The following DBH variants were observed in gnomAD, a reference collection of about 807,000 sequenced individuals.
DBH encodes dopamine beta-hydroxylase.
Under a neutral mutation model 64.0 loss-of-function variants are expected in DBH, and 49 were observed. That is an observed-to-expected ratio of 0.77 (90% CI 0.61 to 0.97). The LOEUF (loss-of-function observed/expected upper bound fraction) is 0.97, where lower values mean the gene tolerates loss of function less well. Ranked by LOEUF, DBH falls within the 50% of genes least tolerant of loss-of-function variation. The pLI is 0.00. For synonymous variants in DBH, 343 were observed against 347.1 expected (o/e 0.99, Z 0.13); for missense variants, 828 against 826.6 (o/e 1.00, Z -0.02).
At chr9:133,656,776 A>G in intron 10 of DBH, 126 bp downstream of exon 10, 1 of 1,233,934 alleles carries the variant, frequency 8.1e-7, no homozygotes, top group Admixed American at 1.9e-5. Flanking sequence ...CTGTGGCGGC[A>G]TCACTCACCC....
intron 9 of DBH, among the ~76,000 whole-genome samples, chr9:133,654,116 A>ATTTTATTTTATTTTATTT (rs10634261): frequency 3.6e-4 from 54 of 151,312 alleles, no homozygotes; most frequent in African/African-American, 1.3e-3. Flanking sequence ...ATTTTATTTT[A>ATTTTATTTTATTTTATTT]TATTTTATTT....
chr9:133,645,360 C>T (rs1832170772), intron 5 of DBH, among the ~76,000 whole-genome samples: 1 of 151,978 alleles, frequency 6.6e-6, no homozygotes, highest in African/African-American at 2.4e-5. Flanking sequence ...GGATTTATTG[C>T]TCATTTAAAC....
At chr9:133,652,859 C>T (rs936979201) in intron 8 of DBH, 81 bp from the exon 9 acceptor site, 34 of 936,282 alleles carry the variant, frequency 3.6e-5, no homozygotes, top group South Asian at 7.8e-5. Context: ...TGCACAGTGG[C>T]GTGGTCCTAT....
intron 9 of DBH, among the ~76,000 whole-genome samples, chr9:133,653,909 G>C (rs1269543510): frequency 6.6e-6 from 1 of 152,200 alleles, no homozygotes; most frequent in Non-Finnish European, 1.5e-5. Context: ...CGTGCCAGCT[G>C]CTTCGGTAAC....
chr9:133,655,638 T>G (rs761027544), intron 9 of DBH: 1 of 152,286 alleles, frequency 6.6e-6, no homozygotes, highest in Non-Finnish European at 1.5e-5. Context: ...AGAGTAAAGA[T>G]TGCCTTTCTT....
At chr9:133,656,445 G>A (rs1256804063) in intron 9 of DBH, 78 bp from the exon 10 acceptor site, 11 of 1,600,340 alleles carry the variant, frequency 6.9e-6, no homozygotes, top group East Asian at 4.5e-5. Context: ...CAGTGTACAC[G>A]TGGGTGCGGC....
At position 133,658,236 on chromosome 9, in the gene DBH, G is replaced by T. The variant is rs557511415; in HGVS notation, c.1723-80G>T. The stretch of plus-strand genomic sequence containing the variant: ...GAGTTTGAGGGCAAGAATCCAAGAG[G>T]TGGCTGGGAAGTGGCTGGGGAAGCA... On this transcript the variant is annotated intron_variant, in intron 11 of 11. Coordinates refer to ENST00000393056, the MANE Select transcript of DBH (RefSeq NM_000787.4). The T allele has an allele frequency of 7.5e-5, 118 of 1,573,516 alleles. 1 individual carries two copies. In the East Asian group the frequency reaches 9.3e-4, roughly 12 times the overall value.
At chr9:133,648,427 T>C (rs566302296) in intron 6 of DBH, among the ~76,000 whole-genome samples, 3 of 152,402 alleles carry the variant, frequency 2.0e-5, no homozygotes, top group East Asian at 3.9e-4. Context: ...TCCAGACCTT[T>C]TTCCTGTATA....
intron 2 of DBH, among the ~76,000 whole-genome samples, chr9:133,640,498 G>A (rs1832105660): frequency 6.6e-6 from 1 of 152,210 alleles, no homozygotes. Flanking sequence ...AACTCTGGGA[G>A]TTCATGGGAG....
intron 9 of DBH, among the ~76,000 whole-genome samples, chr9:133,654,185 C>A (rs1832285979): frequency 6.6e-6 from 1 of 152,034 alleles, no homozygotes; most frequent in South Asian, 2.1e-4. Flanking sequence ...CTTGCTGCAA[C>A]CTCCACCTCC....
intron 5 of DBH, 32 bp downstream of exon 5, chr9:133,644,352 G>A (rs974902790): frequency 7.7e-6 from 12 of 1,553,850 alleles, no homozygotes; most frequent in East Asian, 2.2e-5. Flanking sequence ...CTCCTCAGAA[G>A]CCCTAGGACT....
In DBH at chr9:133,643,650, T is replaced by A. The variant is rs1312158803; in HGVS notation, c.921+61T>A. The A allele has an allele frequency of 6.3e-7, 1 of 1,582,860 alleles. No homozygotes were observed. The highest frequency in any genetic ancestry group is 8.6e-7 in the Non-Finnish European group (1 of 1,157,520). On this transcript the variant is annotated intron_variant, in intron 4 of 11. Coordinates refer to ENST00000393056, the MANE Select transcript of DBH (RefSeq NM_000787.4). The surrounding 1 kb of genome is among the most constrained non-coding windows in gnomAD (Gnocchi z 5.3). ...CCTGGGCCCCTGGCATCCCCACACC[T>A]CTGTTTCCCCAGCTTCACCGTCTCA...
chr9:133,641,218 C>G (rs1054224165), intron 2 of DBH, among the ~76,000 whole-genome samples: 3 of 152,222 alleles, frequency 2.0e-5, no homozygotes, highest in Non-Finnish European at 4.4e-5. Context: ...TGGCTGTTTG[C>G]CAGATGAGGA....
At chr9:133,647,231 G>A (rs1588350121) in intron 5 of DBH, among the ~76,000 whole-genome samples, 2 of 152,222 alleles carry the variant, frequency 1.3e-5, no homozygotes, top group African/African-American at 4.8e-5. Context: ...GGGGGCTGCT[G>A]GGAGGATGTG....
intron 6 of DBH, among the ~76,000 whole-genome samples, chr9:133,648,629 G>A (rs985797306): frequency 3.3e-5 from 5 of 152,256 alleles, no homozygotes; most frequent in Non-Finnish European, 7.3e-5. Context: ...GCAGTGAAGT[G>A]CCGGGTACAG....
chr9:133,654,361 C>T (rs960151404), intron 9 of DBH, among the ~76,000 whole-genome samples: 21 of 152,208 alleles, frequency 1.4e-4, no homozygotes, highest in African/African-American at 5.1e-4. Flanking sequence ...GGATTACAGG[C>T]ATGAGCCATA....
At chr9:133,653,681 C>T (rs957967106) in intron 9 of DBH, among the ~76,000 whole-genome samples, 1 of 152,084 alleles carries the variant, frequency 6.6e-6, no homozygotes, top group African/African-American at 2.4e-5. Context: ...GCTGAGGATG[C>T]ATTTTGGCTG....
At chr9:133,644,182 G>C in intron 4 of DBH, 36 bp from the exon 5 acceptor site, 1 of 1,540,148 alleles carries the variant, frequency 6.5e-7, no homozygotes. Context: ...GCCCTCTCAG[G>C]ACACACCCGT....
At position 133,658,531 on chromosome 9, in the gene DBH, A is replaced by C; in HGVS notation, c.*84A>C. The C allele has an allele frequency of 6.3e-6, 9 of 1,420,394 alleles. No individual in the cohort carries two copies. Among genetic ancestry groups the C allele is most frequent in the East Asian group, 2.5e-5 (1 of 39,808 alleles). 88.0% of individuals were successfully genotyped at this position (1,420,394 alleles called of 1,614,324 possible). A position where few individuals can be genotyped will look rare whatever the true frequency, so the allele number is the denominator to read the frequency against. On this transcript the variant is annotated 3_prime_UTR_variant, in exon 12 of 12. Transcript: ENST00000393056. ...TGCACTCTACTCTGCGACGATCCCC[A>C]TGGAACAGCCCTGCACGCCCAGGAT... is the stretch of plus-strand genomic sequence containing the variant.
Sources: gnomAD v4.1 joint callset for allele counts (sites outside exome capture counted in the v4.1 genomes callset) on GRCh38, gnomAD v4.1.1 for gene constraint, Gnocchi (gnomAD v3.1) non-coding constraint, MANE v1.5 for transcripts, NCBI Gene and HGNC (gene_info 2026-07-23, HGNC 2026-07-21) for gene names.